FHIT: variants seen among roughly 807,000 people sequenced by gnomAD.
FHIT encodes the protein fragile histidine triad diadenosine triphosphatase.
In FHIT, 19 loss-of-function variants were observed where a neutral mutation model predicts 17.9. The ratio of observed to expected loss-of-function variants is 1.06; its 90% CI spans 0.74 to 1.56. The LOEUF (loss-of-function observed/expected upper bound fraction) is 1.56, where lower values mean the gene tolerates loss of function less well. FHIT is among the 40% of genes most tolerant of loss of function. The pLI is 0.00. For missense variants in FHIT, 248 were observed against 189.2 expected (o/e 1.31, Z -1.82); for synonymous variants, 81 against 69.7 (o/e 1.16, Z -0.81).
At chr3:60,882,301 AAAG>A (rs1203500772) in intron 3 of FHIT, among the ~76,000 whole-genome samples, 5 of 152,172 alleles carry the variant, frequency 3.3e-5, no homozygotes, top group Admixed American at 1.3e-4. Context: ...CCAAACATTT[AAAG>A]AAGAACTAAT....
intron 5 of FHIT, among the ~76,000 whole-genome samples, chr3:60,469,190 T>C (rs898833411): frequency 3.9e-5 from 6 of 152,196 alleles, no homozygotes; most frequent in South Asian, 2.1e-4. Flanking sequence ...TACTTAAATA[T>C]TGATATCTTT....
In FHIT at chr3:60,429,321, G is replaced by A. The variant is rs141135393; in HGVS notation, c.103+107539C>T. 1.2e-4 allele frequency among the ~76,000 whole-genome samples: 18 copies of A among 152,106 alleles called. 1 individual carries two copies. The East Asian group carries it at 2.9e-3, about 25-fold the overall frequency. On this transcript the variant is annotated intron_variant, in intron 5 of 9. Coordinates refer to ENST00000492590, the MANE Select transcript of FHIT (RefSeq NM_002012.4). ...AAAAAAAAGTCCTAGAAATGGTTAC[G>A]CTTTGGACAAGATTTGAGTAAGACA... is the stretch of plus-strand genomic sequence containing the variant.
chr3:60,344,672 T>C (rs1710688279), intron 5 of FHIT, among the ~76,000 whole-genome samples: 1 of 152,220 alleles, frequency 6.6e-6, no homozygotes, highest in Non-Finnish European at 1.5e-5. Context: ...AGATAACGTG[T>C]TGACTTTTAG....
intron 9 of FHIT, chr3:59,749,785 G>A (rs1470847591): frequency 3.6e-5 from 8 of 222,652 alleles, no homozygotes; most frequent in African/African-American, 9.1e-5. Flanking sequence ...TTAACCCTGT[G>A]AGGATGGTTT....
At chr3:60,685,357 A>G (rs1473232343) in intron 4 of FHIT, among the ~76,000 whole-genome samples, 2 of 152,160 alleles carry the variant, frequency 1.3e-5, no homozygotes, top group Non-Finnish European at 2.9e-5. Context: ...GGCCTCCCCT[A>G]CAATGTCATC....
chr3:60,537,393 T>C, intron 4 of FHIT: 1 of 768,166 alleles, frequency 1.3e-6, no homozygotes, highest in Non-Finnish European at 1.6e-6. Context: ...AATTCTTAAA[T>C]GCTTCTCTCA....
chr3:60,122,542 A>G (rs1426473469), intron 5 of FHIT, among the ~76,000 whole-genome samples: 1 of 152,210 alleles, frequency 6.6e-6, no homozygotes, highest in Non-Finnish European at 1.5e-5. Context: ...CCACAAGAAC[A>G]GAGGAGGGGT....
intron 4 of FHIT, among the ~76,000 whole-genome samples, chr3:60,551,944 T>C (rs1211328741): frequency 6.6e-6 from 1 of 152,016 alleles, no homozygotes; most frequent in Non-Finnish European, 1.5e-5. Flanking sequence ...ATTCAGAACA[T>C]TTTTACCCCC....
intron 2 of FHIT, among the ~76,000 whole-genome samples, chr3:61,109,158 T>C (rs2036080884): frequency 6.6e-6 from 1 of 152,136 alleles, no homozygotes; most frequent in South Asian, 2.1e-4. Context: ...AAGGCATGTA[T>C]GAAGAAAAGG....
chr3:60,263,500 A>C (rs1706405266), intron 5 of FHIT, among the ~76,000 whole-genome samples: 1 of 152,042 alleles, frequency 6.6e-6, no homozygotes, highest in African/African-American at 2.4e-5. Context: ...AATACTACTC[A>C]GCAATGAAAA....
rs1199982046 is a variant in FHIT, at chr3:59,984,322, G to A, written c.279+27049C>T. Among the ~76,000 whole-genome samples the A allele has an allele frequency of 2.0e-5, 3 of 151,868 alleles. No individual in the cohort carries two copies. In the East Asian group the frequency reaches 5.8e-4, roughly 29 times the overall value. ...GGGGAGAAGTGGAAGTAAGACAGGG[G>A]AAAAAAGAAATCTACTACAAGAAAC... On this transcript the variant is annotated intron_variant, in intron 7 of 9. Transcript: ENST00000492590.
At chr3:60,255,474 C>A (rs536527455) in intron 5 of FHIT, among the ~76,000 whole-genome samples, 1 of 152,130 alleles carries the variant, frequency 6.6e-6, no homozygotes. Flanking sequence ...GTGGGAACTG[C>A]AGCCAGCCGG....
chr3:60,463,083 A>G (rs1296723468), intron 5 of FHIT, among the ~76,000 whole-genome samples: 1 of 152,180 alleles, frequency 6.6e-6, no homozygotes, highest in Non-Finnish European at 1.5e-5. Context: ...AACTTCACAA[A>G]TAAGAAAGTT....
At chr3:59,837,270 T>C (rs1701370691) in intron 8 of FHIT, among the ~76,000 whole-genome samples, 1 of 152,188 alleles carries the variant, frequency 6.6e-6, no homozygotes, top group South Asian at 2.1e-4. Flanking sequence ...GATGCCAAAA[T>C]GCACGGATGT....
intron 5 of FHIT, among the ~76,000 whole-genome samples, chr3:60,239,345 G>T (rs766002233): frequency 7.9e-5 from 12 of 152,198 alleles, no homozygotes; most frequent in African/African-American, 2.9e-4. Flanking sequence ...TGGGAGGATT[G>T]GGTGAGCCCA....
intron 4 of FHIT, among the ~76,000 whole-genome samples, chr3:60,648,499 T>G (rs556671288): frequency 4.0e-5 from 6 of 151,700 alleles, no homozygotes; most frequent in Admixed American, 3.3e-4. Flanking sequence ...GGTGAAGGAT[T>G]TGGGGGAGGG....
intron 5 of FHIT, among the ~76,000 whole-genome samples, chr3:60,068,647 T>A (rs1244120867): frequency 1.3e-5 from 2 of 152,226 alleles, no homozygotes; most frequent in Non-Finnish European, 2.9e-5. Context: ...TAAAAACTGT[T>A]CATTTTGGTA....
At chr3:60,149,755 G>A (rs967985083) in intron 5 of FHIT, among the ~76,000 whole-genome samples, 2 of 151,906 alleles carry the variant, frequency 1.3e-5, no homozygotes, top group Non-Finnish European at 2.9e-5. Context: ...CAAGCTAAGA[G>A]GCACATCTTA....
At chr3:61,073,270 T>C (rs1193898337) in intron 2 of FHIT, among the ~76,000 whole-genome samples, 1 of 152,214 alleles carries the variant, frequency 6.6e-6, no homozygotes, top group Non-Finnish European at 1.5e-5. Context: ...CTACCTTAAC[T>C]GTGAGTCTTA....
Sources: gnomAD v4.1 joint callset for allele counts (sites outside exome capture counted in the v4.1 genomes callset) on GRCh38, gnomAD v4.1.1 for gene constraint, MANE v1.5 for transcripts, NCBI Gene and HGNC (gene_info 2026-07-23, HGNC 2026-07-21) for gene names.